Variants in LRCH3 observed in about 807,000 individuals in gnomAD.
The protein encoded by LRCH3 is DISP complex protein LRCH3.
In LRCH3, 68 loss-of-function variants were observed where a neutral mutation model predicts 104.5. That is an observed-to-expected ratio of 0.65 (90% CI 0.54 to 0.80). The LOEUF (loss-of-function observed/expected upper bound fraction) is 0.80, where lower values mean the gene tolerates loss of function less well. Ranked by LOEUF, LRCH3 falls within the 30% of genes least tolerant of loss-of-function variation. The pLI is 0.00. For missense variants in LRCH3, 951 were observed against 953.9 expected, an observed-to-expected ratio of 1.00 and a Z score of 0.04; for synonymous variants, 344 against 361.3, an observed-to-expected ratio of 0.95 and a Z score of 0.54.
chr3:197,837,058 TAA>T (rs1736917227), intron 9 of LRCH3, among the ~76,000 whole-genome samples: 1 of 152,112 alleles, frequency 6.6e-6, no homozygotes, highest in Non-Finnish European at 1.5e-5. Context: ...TTTTTGTTGG[TAA>T]AGAGACATAC....
intron 4 of LRCH3, among the ~76,000 whole-genome samples, chr3:197,825,463 G>GT (rs1491060533): frequency 2.0e-4 from 6 of 29,386 alleles, no homozygotes; most frequent in African/African-American, 3.6e-4. Flanking sequence ...GATCCTCTTT[G>GT]ATTTTTTTTT....
chr3:197,816,117 GAT>G (rs1580616512), intron 2 of LRCH3, among the ~76,000 whole-genome samples: 1 of 152,206 alleles, frequency 6.6e-6, no homozygotes, highest in East Asian at 1.9e-4. Context: ...CTTTCCTTAA[GAT>G]AGATGTCTGG....
At chr3:197,812,359 T>C (rs1733220550) in intron 1 of LRCH3, among the ~76,000 whole-genome samples, 1 of 152,182 alleles carries the variant, frequency 6.6e-6, no homozygotes, top group Non-Finnish European at 1.5e-5. Context: ...TGTAGAATAA[T>C]ATTCCATTGT....
At chr3:197,828,920 G>A (rs1735574938) in intron 5 of LRCH3, among the ~76,000 whole-genome samples, 1 of 151,182 alleles carries the variant, frequency 6.6e-6, no homozygotes, top group Non-Finnish European at 1.5e-5. Context: ...TGTTGGTCAG[G>A]CTGGTCTTGA....
chr3:197,881,689 G>T, intron 20 of LRCH3: 1 of 985,396 alleles, frequency 1.0e-6, no homozygotes, highest in Non-Finnish European at 1.2e-6. Context: ...ATTGCGGTTA[G>T]ATTCTAGTTT....
At chr3:197,865,735 T>C (rs1302390974) in intron 16 of LRCH3, among the ~76,000 whole-genome samples, 4 of 151,162 alleles carry the variant, frequency 2.6e-5, no homozygotes, top group Non-Finnish European at 4.4e-5. Flanking sequence ...TTTTCTGAGA[T>C]AGAAATCAGA....
chr3:197,866,875 C>G (rs1488998891), intron 17 of LRCH3, among the ~76,000 whole-genome samples: 1 of 152,086 alleles, frequency 6.6e-6, no homozygotes, highest in Admixed American at 6.6e-5. Context: ...CGTGGTGGCT[C>G]ACGCCTGTGA....
At chr3:197,824,334 A>C (rs1460884049) in intron 4 of LRCH3, among the ~76,000 whole-genome samples, 2 of 144,564 alleles carry the variant, frequency 1.4e-5, no homozygotes, top group African/African-American at 5.1e-5. Context: ...AAGTGCTGGG[A>C]TTACAGGCGT....
chr3:197,857,219 ACCCCTCAAGCCCC>A (rs1740370848), intron 14 of LRCH3, among the ~76,000 whole-genome samples: 1 of 134,068 alleles, frequency 7.5e-6, no homozygotes, highest in African/African-American at 3.5e-5. Context: ...TCTTCGGGCT[ACCCCTCAAGCCCC>A]TGTTAATATC....
At chr3:197,837,275 A>G (rs1294225001) in intron 9 of LRCH3, among the ~76,000 whole-genome samples, 2 of 152,154 alleles carry the variant, frequency 1.3e-5, no homozygotes, top group Non-Finnish European at 2.9e-5. Context: ...TGATCATGTT[A>G]TGGTTACTTA....
chr3:197,885,883 T>G lies in LRCH3; in HGVS notation c.*2217T>G, dbSNP rs1176435205. ...TGTTCTGGATTTTCTTTACAATGCA[T>G]CCATTTGGGCATAATGTTATCCCTC... On this transcript the variant is annotated 3_prime_UTR_variant, in exon 21 of 21. Coordinates refer to ENST00000425562, the MANE Select transcript of LRCH3 (RefSeq NM_001365715.1). 1 of 152,234 alleles carries G rather than the reference T, an allele frequency of 6.6e-6. No individual in the cohort carries two copies. Among genetic ancestry groups the G allele is most frequent in the Admixed American group, 6.5e-5 (1 of 15,282 alleles). The allele number at this position is 152,234 out of a possible 1,614,324, so 9.4% of individuals were successfully genotyped here.
intron 20 of LRCH3, among the ~76,000 whole-genome samples, chr3:197,879,987 C>A (rs892785764): frequency 6.6e-6 from 1 of 151,110 alleles, no homozygotes; most frequent in South Asian, 2.1e-4. Context: ...GCTCTGTCAC[C>A]CAGGCTGGAG....
chr3:197,834,340 C>T (rs1736394834), intron 8 of LRCH3, among the ~76,000 whole-genome samples: 1 of 152,178 alleles, frequency 6.6e-6, no homozygotes, highest in Admixed American at 6.5e-5. Flanking sequence ...AGAAGAAACT[C>T]CTCAAATGAA....
chr3:197,844,487 G>A (rs1738304239), intron 10 of LRCH3, among the ~76,000 whole-genome samples: 2 of 152,104 alleles, frequency 1.3e-5, no homozygotes, highest in Admixed American at 6.6e-5. Flanking sequence ...TGATCTCCTG[G>A]ACTCAAGATC....
chr3:197,861,500 T>C (rs76864641), intron 15 of LRCH3, among the ~76,000 whole-genome samples: 4,764 of 152,290 alleles, frequency 0.031, 266 homozygotes, highest in African/African-American at 0.11. Flanking sequence ...CAGTGTCTTG[T>C]TCTACAGTGA....
At chr3:197,795,335 G>T (rs1731069430) in intron 1 of LRCH3, among the ~76,000 whole-genome samples, 1 of 152,166 alleles carries the variant, frequency 6.6e-6, no homozygotes, top group Non-Finnish European at 1.5e-5. Flanking sequence ...CATAGGGTAT[G>T]CCAGTGACTC....
chr3:197,840,734 A>ATCTCG (rs935805906), intron 10 of LRCH3, among the ~76,000 whole-genome samples: 1 of 151,890 alleles, frequency 6.6e-6, no homozygotes, highest in Non-Finnish European at 1.5e-5. Context: ...AAAGACAGAC[A>ATCTCG]TCACTGTGAC....
intron 15 of LRCH3, among the ~76,000 whole-genome samples, chr3:197,860,917 G>A (rs112116024): frequency 0.017 from 2,508 of 149,052 alleles, 95 homozygotes; most frequent in African/African-American, 0.059. Flanking sequence ...CCCAGCCTCC[G>A]GTAACCCTCA....
chr3:197,814,872 G>A, intron 1 of LRCH3, 36 bp from the exon 2 acceptor site: 2 of 1,533,830 alleles, frequency 1.3e-6, no homozygotes, highest in Non-Finnish European at 1.8e-6. Context: ...TAAGTTCCAA[G>A]GACTGATTTT....
Sources: allele counts gnomAD v4.1 joint callset (sites outside exome capture counted in the v4.1 genomes callset), GRCh38; gene constraint gnomAD v4.1.1; transcripts MANE v1.5; gene names NCBI Gene and HGNC (gene_info 2026-07-23, HGNC 2026-07-21).